Variants in WDR7 observed in about 807,000 individuals in gnomAD.
WDR7 encodes the protein WD repeat-containing protein 7.
WDR7 carries 46 observed loss-of-function variants against 169.4 expected under a neutral mutation model. That is an observed-to-expected ratio of 0.27 (90% CI 0.21 to 0.35). The LOEUF is 0.35. Ranked by LOEUF, WDR7 falls within the 10% of genes least tolerant of loss-of-function variation. The pLI, the probability that WDR7 is intolerant of heterozygous loss-of-function variation, is 1.00. For synonymous variants in WDR7, 612 were observed against 666.8 expected (o/e 0.92, Z 1.27); for missense variants, 1,534 against 1,859.3 (o/e 0.83, Z 3.22).
intron 21 of WDR7, among the ~76,000 whole-genome samples, chr18:56,885,647 C>T (rs985089173): frequency 8.9e-6 from 1 of 112,482 alleles, no homozygotes; most frequent in African/African-American, 3.0e-5. Flanking sequence ...CGGTGAAACC[C>T]TGTCTCTACT....
intron 26 of WDR7, among the ~76,000 whole-genome samples, chr18:56,970,092 G>A (rs1370079606): frequency 1.3e-5 from 2 of 152,068 alleles, no homozygotes; most frequent in Non-Finnish European, 1.5e-5. Context: ...ATCAAAAAAT[G>A]TTAGCTATCC....
chr18:56,744,537 G>T (rs938861539), intron 14 of WDR7, among the ~76,000 whole-genome samples: 4 of 152,158 alleles, frequency 2.6e-5, no homozygotes, highest in Non-Finnish European at 2.9e-5. Flanking sequence ...GGTTGTGAAA[G>T]ACTGATTGCT....
intron 20 of WDR7, among the ~76,000 whole-genome samples, chr18:56,858,923 T>A (rs759017192): frequency 3.9e-5 from 6 of 152,152 alleles, no homozygotes; most frequent in Admixed American, 1.3e-4. Flanking sequence ...GTGTATTTTT[T>A]ATAATATATT....
chr18:56,715,459 T>C (rs1409333130), intron 12 of WDR7, among the ~76,000 whole-genome samples: 1 of 152,178 alleles, frequency 6.6e-6, no homozygotes, highest in Non-Finnish European at 1.5e-5. Flanking sequence ...ATAGGTCAGT[T>C]AGATGTGTGG....
At chr18:56,652,069 T>C (rs546124215) in intron 1 of WDR7, among the ~76,000 whole-genome samples, 8 of 152,188 alleles carry the variant, frequency 5.3e-5, no homozygotes, top group African/African-American at 1.9e-4. Flanking sequence ...GCCCTAGTAC[T>C]TGTCTGAGCG....
At chr18:56,741,731 C>T (rs1012204894) in intron 14 of WDR7, among the ~76,000 whole-genome samples, 1 of 152,200 alleles carries the variant, frequency 6.6e-6, no homozygotes, top group African/African-American at 2.4e-5. Flanking sequence ...ACTATGAATG[C>T]AATCTCAACC....
chr18:56,984,335 A>G (rs1460781074), intron 26 of WDR7, among the ~76,000 whole-genome samples: 1 of 152,220 alleles, frequency 6.6e-6, no homozygotes, highest in African/African-American at 2.4e-5. Flanking sequence ...TGTCAGTTAC[A>G]AAAACTGTTG....
intron 23 of WDR7, among the ~76,000 whole-genome samples, chr18:56,936,862 A>G (rs187571895): frequency 7.5e-4 from 114 of 152,340 alleles, no homozygotes; most frequent in African/African-American, 2.6e-3. Context: ...TGTTATAGTA[A>G]GGTTCCACTA....
At chr18:56,891,380 A>G (rs1472589179) in intron 21 of WDR7, among the ~76,000 whole-genome samples, 1 of 152,086 alleles carries the variant, frequency 6.6e-6, no homozygotes, top group Non-Finnish European at 1.5e-5. Context: ...AAGACACAGG[A>G]ATAGTATATA....
intron 21 of WDR7, among the ~76,000 whole-genome samples, chr18:56,887,439 A>G (rs1163519825): frequency 1.3e-5 from 2 of 152,208 alleles, no homozygotes; most frequent in South Asian, 2.1e-4. Flanking sequence ...GAAGACTGCA[A>G]TGCTTCTTAG....
chr18:56,883,991 A>C (rs1376183108), intron 21 of WDR7, among the ~76,000 whole-genome samples: 1 of 152,118 alleles, frequency 6.6e-6, no homozygotes, highest in East Asian at 1.9e-4. Context: ...CAAGTATCTT[A>C]TTCATATAAT....
rs180929387 is a variant in WDR7, at chr18:56,698,202, A to G, written c.1578+1740A>G. ...AGGAGCGAAACGCTGTTTAAAAAAA[A>G]AAAAGTTTGGAATGGCTTACACAAG... On this transcript the variant is annotated intron_variant, in intron 12 of 27. Coordinates refer to ENST00000254442, the MANE Select transcript of WDR7 (RefSeq NM_015285.3). 2.8e-3 allele frequency among the ~76,000 whole-genome samples: 420 copies of G among 152,216 alleles called. 1 individual carries two copies. The highest frequency in any genetic ancestry group is 9.8e-3 in the African/African-American group (408 of 41,540).
intron 12 of WDR7, among the ~76,000 whole-genome samples, chr18:56,717,506 G>A (rs781230905): frequency 1.1e-4 from 16 of 152,146 alleles, no homozygotes; most frequent in Non-Finnish European, 1.8e-4. Flanking sequence ...GGACGGTGAG[G>A]GTATTGTTTT....
intron 26 of WDR7, among the ~76,000 whole-genome samples, chr18:56,993,129 A>G (rs1225936503): frequency 1.1e-4 from 17 of 152,238 alleles, no homozygotes; most frequent in Admixed American, 1.1e-3. Context: ...ATTTGAGGGA[A>G]GAAACAAGGT....
chr18:56,848,371 C>G (rs906778354), intron 20 of WDR7, among the ~76,000 whole-genome samples: 4 of 152,124 alleles, frequency 2.6e-5, no homozygotes, highest in Admixed American at 2.0e-4. Flanking sequence ...ATTTCACAGG[C>G]TCATAGGTAG....
intron 14 of WDR7, among the ~76,000 whole-genome samples, chr18:56,745,525 A>G (rs1206733061): frequency 6.6e-6 from 1 of 152,128 alleles, no homozygotes; most frequent in Non-Finnish European, 1.5e-5. Flanking sequence ...CCTTGCATAC[A>G]CAGTTCACAA....
chr18:56,658,059 G>T (rs2024817421), intron 1 of WDR7, among the ~76,000 whole-genome samples: 1 of 151,974 alleles, frequency 6.6e-6, no homozygotes, highest in African/African-American at 2.4e-5. Context: ...TATTCTGTAG[G>T]CTCTTTAAAA....
Position 56,708,854 on chromosome 18 carries a change from T to C in WDR7, c.1579-9110T>C, listed in dbSNP as rs146932382. ...TGAGAGACTGAGGTAGGAGAATCAC[T>C]TGAACCTGGGAGGCAGAGGTTGCAG... On this transcript the variant is annotated intron_variant, in intron 12 of 27. Coordinates refer to ENST00000254442, the MANE Select transcript of WDR7 (RefSeq NM_015285.3). Among the ~76,000 whole-genome samples the C allele has an allele frequency of 1.1e-3, 163 of 152,198 alleles. 1 individual carries two copies. Among genetic ancestry groups the C allele is most frequent in the Non-Finnish European group, 2.1e-3 (142 of 68,012 alleles).
chr18:56,965,324 T>C (rs748592043), intron 26 of WDR7, among the ~76,000 whole-genome samples: 5 of 152,070 alleles, frequency 3.3e-5, no homozygotes, highest in Non-Finnish European at 7.4e-5. Context: ...AGAGAACCCA[T>C]GACTGAGAGA....
Sources: gnomAD v4.1 joint callset for allele counts (sites outside exome capture counted in the v4.1 genomes callset) on GRCh38, gnomAD v4.1.1 for gene constraint, MANE v1.5 for transcripts, NCBI Gene and HGNC (gene_info 2026-07-23, HGNC 2026-07-21) for gene names.